PHACTR1: variants seen among roughly 807,000 people sequenced by gnomAD.
PHACTR1 encodes RPEL repeat containing 1.
PHACTR1 carries 16 observed loss-of-function variants against 69.2 expected under a neutral mutation model. The observed-to-expected ratio is 0.23, with a 90% CI of 0.16 to 0.35. PHACTR1 has a LOEUF of 0.35. PHACTR1 is among the 10% of genes least tolerant of loss of function. PHACTR1 has a pLI of 1.00. For missense variants in PHACTR1, 510 were observed against 734.7 expected (o/e 0.69, Z 3.54); for synonymous variants, 312 against 284.5 (o/e 1.10, Z -0.97).
chr6:12,721,709 A>T (rs754442388), intron 3 of PHACTR1, among the ~76,000 whole-genome samples: 13 of 151,988 alleles, frequency 8.6e-5, no homozygotes, highest in Non-Finnish European at 1.8e-4. Flanking sequence ...TGCTTTTACC[A>T]TTACTTGGGG....
At chr6:12,743,954 G>C (rs1765426509) in intron 3 of PHACTR1, among the ~76,000 whole-genome samples, 1 of 152,012 alleles carries the variant, frequency 6.6e-6, no homozygotes, top group Non-Finnish European at 1.5e-5. Context: ...ATAACAAACT[G>C]TCTCTCAGAC....
chr6:12,765,004 G>A (rs1768439871), intron 4 of PHACTR1, among the ~76,000 whole-genome samples: 1 of 151,988 alleles, frequency 6.6e-6, no homozygotes, highest in Non-Finnish European at 1.5e-5. Context: ...CTTTCTGAAT[G>A]GTAGCTGGCT....
intron 5 of PHACTR1, among the ~76,000 whole-genome samples, chr6:13,156,989 A>T (rs1291295556): frequency 2.6e-5 from 4 of 152,082 alleles, no homozygotes; most frequent in Non-Finnish European, 5.9e-5. Flanking sequence ...TCCATTCTCT[A>T]TATTAAAGTG....
intron 14 of PHACTR1, 35 bp from the exon 15 acceptor site, chr6:13,287,027 GC>G (rs1333025491): frequency 6.2e-7 from 1 of 1,602,834 alleles, no homozygotes; most frequent in Middle Eastern, 1.7e-4. Flanking sequence ...ACCTTTGGCA[GC>G]CCCTTGGTCT....
intron 4 of PHACTR1, among the ~76,000 whole-genome samples, chr6:12,889,531 T>G (rs1403649750): frequency 1.3e-5 from 2 of 152,214 alleles, no homozygotes; most frequent in Non-Finnish European, 2.9e-5. Flanking sequence ...TTCAGTGACA[T>G]TTGGGAGTAG....
intron 11 of PHACTR1, chr6:13,273,606 G>C (rs529321400): frequency 3.5e-4 from 53 of 149,902 alleles, no homozygotes; most frequent in African/African-American, 1.3e-3. Context: ...AAAAAAAAAA[G>C]AGAAAACAGG....
intron 5 of PHACTR1, among the ~76,000 whole-genome samples, chr6:13,080,773 A>G (rs941039003): frequency 6.6e-6 from 1 of 152,176 alleles, no homozygotes; most frequent in Non-Finnish European, 1.5e-5. Context: ...GGTAGAAATG[A>G]CAATAAATAT....
intron 4 of PHACTR1, among the ~76,000 whole-genome samples, chr6:12,862,601 G>T (rs1022270584): frequency 2.0e-5 from 3 of 152,066 alleles, no homozygotes; most frequent in Admixed American, 6.5e-5. Context: ...CCATTAAAAA[G>T]TTCAACAGAG....
At chr6:12,952,383 A>T (rs1791407930) in intron 4 of PHACTR1, among the ~76,000 whole-genome samples, 1 of 152,018 alleles carries the variant, frequency 6.6e-6, no homozygotes, top group African/African-American at 2.4e-5. Flanking sequence ...TCTGTGCTCC[A>T]CTCATTCATC....
chr6:12,721,345 C>T (rs1183257001), intron 3 of PHACTR1, among the ~76,000 whole-genome samples: 3 of 151,894 alleles, frequency 2.0e-5, no homozygotes, highest in East Asian at 3.9e-4. Flanking sequence ...GGTGGCACCA[C>T]TGCACTCTAG....
intron 4 of PHACTR1, among the ~76,000 whole-genome samples, chr6:12,768,863 A>ACACACAG (rs1561864885): frequency 7.3e-6 from 1 of 136,466 alleles, no homozygotes; most frequent in African/African-American, 2.9e-5. Flanking sequence ...CACACACACA[A>ACACACAG]TGGAATACTA....
At chr6:13,101,485 A>G (rs1194825035) in intron 5 of PHACTR1, among the ~76,000 whole-genome samples, 7 of 152,232 alleles carry the variant, frequency 4.6e-5, no homozygotes, top group Non-Finnish European at 1.0e-4. Context: ...CACCTGGTTT[A>G]GTCTAGCCAA....
At chr6:12,745,233 A>C (rs1765626655) in intron 3 of PHACTR1, among the ~76,000 whole-genome samples, 1 of 152,112 alleles carries the variant, frequency 6.6e-6, no homozygotes, top group African/African-American at 2.4e-5. Flanking sequence ...TGGATGTATG[A>C]AGTGTAATTT....
At chr6:13,057,839 C>A (rs1029128202) in intron 5 of PHACTR1, among the ~76,000 whole-genome samples, 5 of 152,196 alleles carry the variant, frequency 3.3e-5, no homozygotes, top group African/African-American at 1.2e-4. Context: ...CTGTTCTAAG[C>A]TGAAGGCTGC....
chr6:13,084,379 G>T (rs1439020070), intron 5 of PHACTR1, among the ~76,000 whole-genome samples: 3 of 128,286 alleles, frequency 2.3e-5, no homozygotes, highest in African/African-American at 8.6e-5. Flanking sequence ...GTTGTGGGGT[G>T]GGGGGAGGGG....
At chr6:13,039,680 G>A (rs980336192) in intron 4 of PHACTR1, among the ~76,000 whole-genome samples, 8 of 152,162 alleles carry the variant, frequency 5.3e-5, no homozygotes, top group African/African-American at 1.7e-4. Flanking sequence ...AAGGTCCCTT[G>A]TGGTGACTGT....
At chr6:12,984,846 A>T (rs929438276) in intron 4 of PHACTR1, among the ~76,000 whole-genome samples, 24 of 152,238 alleles carry the variant, frequency 1.6e-4, no homozygotes, top group Non-Finnish European at 7.3e-5. Context: ...TCACAGTTTC[A>T]GAACATGCTC....
chr6:12,886,354 T>C (rs1475284734), intron 4 of PHACTR1, among the ~76,000 whole-genome samples: 1 of 152,188 alleles, frequency 6.6e-6, no homozygotes, highest in African/African-American at 2.4e-5. Flanking sequence ...AAAAGGTCAC[T>C]CTCAATGAGA....
chr6:12,961,144 C>G (rs1233648343), intron 4 of PHACTR1, among the ~76,000 whole-genome samples: 4 of 152,122 alleles, frequency 2.6e-5, no homozygotes, highest in African/African-American at 9.7e-5. Flanking sequence ...AAAAATCTCT[C>G]CTGGAACTTG....
Sources: allele counts gnomAD v4.1 joint callset (sites outside exome capture counted in the v4.1 genomes callset), GRCh38; gene constraint gnomAD v4.1.1; transcripts MANE v1.5; gene names NCBI Gene and HGNC (gene_info 2026-07-23, HGNC 2026-07-21).